Variants in MGST1 observed in about 807,000 individuals in gnomAD.
MGST1 encodes the protein glutathione S-transferase 12.
Under a neutral mutation model 8.9 loss-of-function variants are expected in MGST1, and 5 were observed. That is an observed-to-expected ratio of 0.56 (90% CI 0.29 to 1.19). The LOEUF (loss-of-function observed/expected upper bound fraction) is 1.19. Ranked by LOEUF, MGST1 falls within the 50% of genes most tolerant of loss-of-function variation. The pLI is 0.08. For missense variants in MGST1, 182 were observed against 187.4 expected (o/e 0.97, Z 0.17); for synonymous variants, 54 against 67.8 (o/e 0.80, Z 1.00).
rs373917994 is a variant in MGST1 at position 16,357,695 on chromosome 12, C to T, written c.217C>T (p.Arg73Cys). ...LRTDDRVERV[R>C]RAHLNDLENI... ...AACAGATGACAGAGTAGAACGTGTA[C>T]GCAGGTAAACCAGTGTCTCTTGAAA... Residue 73 changes from arginine (R) to cysteine (C), a missense_variant, in exon 3 of 4, where the codon CGC (arginine) becomes TGC (cysteine). Transcript: ENST00000396210. 217 of 1,610,824 alleles carry T rather than the reference C, an allele frequency of 1.3e-4. 2 individuals carry two copies. Among genetic ancestry groups the T allele is most frequent in the South Asian group, 4.4e-4 (40 of 90,338 alleles).
intron 4 of MGST1, among the ~76,000 whole-genome samples, chr12:16,446,447 GAGTCATTC>G (rs1170453974): frequency 1.3e-5 from 2 of 151,856 alleles, no homozygotes; most frequent in African/African-American, 4.8e-5. Context: ...GCCTCTTGAG[GAGTCATTC>G]CTGCATTTTT....
intron 4 of MGST1, among the ~76,000 whole-genome samples, chr12:16,461,936 A>G (rs1252612769): frequency 2.0e-5 from 3 of 152,092 alleles, no homozygotes; most frequent in Non-Finnish European, 2.9e-5. Context: ...ATTCCTAACA[A>G]TAAAGTATGA....
chr12:16,390,180 A>G (rs775451259), intron 1 of MGST1, among the ~76,000 whole-genome samples: 1 of 151,998 alleles, frequency 6.6e-6, no homozygotes, highest in Non-Finnish European at 1.5e-5. Context: ...ACCTTATGTA[A>G]TTTGAGGGCA....
chr12:16,466,736 CAAGGGTT>C (rs1370665692), intron 4 of MGST1, among the ~76,000 whole-genome samples: 4 of 152,138 alleles, frequency 2.6e-5, no homozygotes, highest in Non-Finnish European at 5.9e-5. Flanking sequence ...AAAAGTAAGG[CAAGGGTT>C]AAATAATTAA....
At chr12:16,353,607 A>C (rs771489311) in intron 1 of MGST1, 2 of 152,028 alleles carry the variant, frequency 1.3e-5, no homozygotes, top group African/African-American at 2.4e-5. Flanking sequence ...ACTTATAGTT[A>C]ATCTCAGTGC....
chr12:16,355,022 C>T (rs7966563), intron 2 of MGST1, among the ~76,000 whole-genome samples: 19 of 151,728 alleles, frequency 1.3e-4, no homozygotes, highest in Middle Eastern at 6.8e-3. Flanking sequence ...GTGCTTGAAG[C>T]GCGTAGAGCG....
intron 4 of MGST1, among the ~76,000 whole-genome samples, chr12:16,467,643 C>A (rs1359724433): frequency 6.6e-6 from 1 of 152,092 alleles, no homozygotes; most frequent in African/African-American, 2.4e-5. Context: ...TTTTATATAC[C>A]ATAATCATTC....
At chr12:16,398,725 A>G (rs1940626925) in intron 1 of MGST1, among the ~76,000 whole-genome samples, 1 of 152,230 alleles carries the variant, frequency 6.6e-6, no homozygotes, top group South Asian at 2.1e-4. Flanking sequence ...ACTCGGACAA[A>G]GGCACCAGCC....
rs924927396 is a variant in MGST1, at chr12:16,576,854, G to A, written n.483-12674G>A. On this transcript the variant is annotated intron_variant and non_coding_transcript_variant, in intron 4 of 4. Coordinates refer to the MGST1 transcript ENST00000538857. The surrounding 1 kb of genome is among the most constrained non-coding windows in gnomAD (Gnocchi z 4.1). ...ATGGACATAAGACCTGTAGGTGGAA[G>A]TCAAAAATAAATTACTTAAAAGCTG... Among the ~76,000 whole-genome samples, 1 of 152,188 alleles carries A rather than the reference G, an allele frequency of 6.6e-6. No homozygotes were observed. Among genetic ancestry groups the A allele is most frequent in the Admixed American group, 6.5e-5 (1 of 15,280 alleles).
At chr12:16,446,808 G>C (rs373878021) in intron 4 of MGST1, among the ~76,000 whole-genome samples, 6 of 151,728 alleles carry the variant, frequency 4.0e-5, no homozygotes, top group African/African-American at 1.2e-4. Context: ...CATCTCCCTT[G>C]TACACTCCTG....
chr12:16,414,540 C>G (rs954893520), intron 1 of MGST1, among the ~76,000 whole-genome samples: 6 of 151,720 alleles, frequency 4.0e-5, no homozygotes, highest in Non-Finnish European at 5.9e-5. Flanking sequence ...CTCAGCCTCC[C>G]AAGTAGCTGG....
At chr12:16,357,529 G>A in intron 2 of MGST1, 76 bp from the exon 3 acceptor site, 2 of 1,121,372 alleles carry the variant, frequency 1.8e-6, no homozygotes, top group Middle Eastern at 2.0e-4. Context: ...GCCTCACAAA[G>A]CGCTGGAATT....
chr12:16,484,061 C>CAT (rs1941382771), intron 4 of MGST1, among the ~76,000 whole-genome samples: 1 of 152,214 alleles, frequency 6.6e-6, no homozygotes, highest in Non-Finnish European at 1.5e-5. Flanking sequence ...CGTATGCCCA[C>CAT]ATATCTGCAA....
intron 4 of MGST1, among the ~76,000 whole-genome samples, chr12:16,527,750 A>G (rs7962114): frequency 0.012 from 1,852 of 152,068 alleles, 38 homozygotes; most frequent in African/African-American, 0.042. Flanking sequence ...ATCCCATTCT[A>G]TCTTCAGATA....
intron 4 of MGST1, among the ~76,000 whole-genome samples, chr12:16,469,541 G>A (rs1344632644): frequency 1.3e-5 from 2 of 152,120 alleles, no homozygotes; most frequent in African/African-American, 4.8e-5. Flanking sequence ...TCCACTGGTT[G>A]TCTTCTACTA....
At chr12:16,424,114 C>T (rs1940864996) in intron 1 of MGST1, among the ~76,000 whole-genome samples, 1 of 152,116 alleles carries the variant, frequency 6.6e-6, no homozygotes, top group African/African-American at 2.4e-5. Flanking sequence ...GTTTATTCAC[C>T]CTTGTGTCTT....
At chr12:16,509,406 G>A (rs534033654) in intron 4 of MGST1, among the ~76,000 whole-genome samples, 9 of 152,144 alleles carry the variant, frequency 5.9e-5, no homozygotes, top group East Asian at 1.9e-4. Flanking sequence ...GATTTTCATA[G>A]TGTTTAGCAT....
At chr12:16,355,855 C>G (rs1178553375) in intron 2 of MGST1, among the ~76,000 whole-genome samples, 1 of 152,174 alleles carries the variant, frequency 6.6e-6, no homozygotes, top group Admixed American at 6.5e-5. Context: ...GCTGCTCTTA[C>G]AAAATGCCAT....
At position 16,355,531 on chromosome 12, in the gene MGST1, T is replaced by C. The variant is rs112262080; in HGVS notation, c.126+1153T>C. Among the ~76,000 whole-genome samples the C allele has an allele frequency of 2.6e-5, 4 of 152,240 alleles. 1 individual carries two copies. The highest frequency in any genetic ancestry group is 9.6e-5 in the African/African-American group (4 of 41,538). On this transcript the variant is annotated intron_variant, in intron 2 of 3. Coordinates refer to ENST00000396210, the MANE Select transcript of MGST1 (RefSeq NM_020300.5). ...TTTTGAGGTATAATGGAAGGATGTT[T>C]GCATTTTAATGGAGGGAACACCTCT...
Sources: gnomAD v4.1 joint callset for allele counts (sites outside exome capture counted in the v4.1 genomes callset) on GRCh38, gnomAD v4.1.1 for gene constraint, Gnocchi (gnomAD v3.1) non-coding constraint, MANE v1.5 for transcripts, NCBI Gene and HGNC (gene_info 2026-07-23, HGNC 2026-07-21) for gene names.